Variants in PNLIPRP3 observed in about 807,000 individuals in gnomAD.
PNLIPRP3 encodes the protein pancreatic lipase-related protein 3.
Under a neutral mutation model 52.8 loss-of-function variants are expected in PNLIPRP3, and 58 were observed. The observed-to-expected ratio is 1.10, with a 90% CI of 0.89 to 1.37. The LOEUF (loss-of-function observed/expected upper bound fraction) is 1.37. Among genes scored for constraint, PNLIPRP3 ranks in the 40% most tolerant of loss-of-function variants. PNLIPRP3 has a pLI of 0.00. For synonymous variants in PNLIPRP3, 192 were observed against 185.0 expected (o/e 1.04, Z -0.31); for missense variants, 593 against 561.6 (o/e 1.06, Z -0.57).
chr10:116,461,049 A>G lies in PNLIPRP3; in HGVS notation c.649A>G (p.Ile217Val). 1 of 1,614,204 alleles carries G rather than the reference A, an allele frequency of 6.2e-7. No individual in the cohort carries two copies. The highest frequency in any genetic ancestry group is 8.5e-7 in the Non-Finnish European group (1 of 1,180,034). Residue 217 changes from isoleucine (I) to valine (V), a missense_variant, in exon 6 of 12, where the codon ATT (isoleucine) becomes GTT (valine). Ile to Val is a conservative substitution (Grantham distance 29). Coordinates refer to ENST00000369230, the MANE Select transcript of PNLIPRP3 (RefSeq NM_001011709.3). ...DPSDANFVDV[I>V]HTNAARILFE... is the part of the protein sequence containing the mutation. ...CTCGGATGCCAACTTTGTTGACGTT[A>G]TTCATACAAATGCAGCTCGCATCCT...
At chr10:116,436,986 T>C (rs1845783643) in intron 2 of PNLIPRP3, 121 bp downstream of exon 2, 5 of 1,051,582 alleles carry the variant, frequency 4.8e-6, no homozygotes, top group Non-Finnish European at 6.6e-6. Flanking sequence ...AATGCAAACA[T>C]TTCTTTTCAG....
In PNLIPRP3 at chr10:116,460,965, G is replaced by C. The variant is rs1381675474; in HGVS notation, c.566-1G>C. 2 of 1,611,654 alleles carry C rather than the reference G, an allele frequency of 1.2e-6. No individual in the cohort carries two copies. The highest frequency in any genetic ancestry group is 2.7e-5 in the African/African-American group (2 of 74,930). Reference sequence around the variant, plus strand: ...ACATGTCTTGGTTGTGCTTTCTCTAGGGTTGGACCCAGCTGGGCCATTTTT... The same window carrying C: ...ACATGTCTTGGTTGTGCTTTCTCTACGGTTGGACCCAGCTGGGCCATTTTT... On this transcript the variant is annotated splice_acceptor_variant, in intron 5 of 11. Coordinates refer to ENST00000369230, the MANE Select transcript of PNLIPRP3 (RefSeq NM_001011709.3). LOFTEE classifies it high-confidence loss of function.
At chr10:116,466,305 T>C (rs1846282206) in intron 8 of PNLIPRP3, 137 bp downstream of exon 8, 1 of 619,596 alleles carries the variant, frequency 1.6e-6, no homozygotes, top group Non-Finnish European at 2.8e-6. Context: ...ATTGTTTCTG[T>C]GCTGAGTACT....
chr10:116,466,445 T>C (rs1469734662), intron 8 of PNLIPRP3, among the ~76,000 whole-genome samples: 1 of 152,184 alleles, frequency 6.6e-6, no homozygotes, highest in East Asian at 1.9e-4. Flanking sequence ...TAATTAGATG[T>C]TACTGTGTAA....
At chr10:116,452,860 G>A (rs1055551327) in intron 4 of PNLIPRP3, among the ~76,000 whole-genome samples, 3 of 152,258 alleles carry the variant, frequency 2.0e-5, no homozygotes, top group East Asian at 3.9e-4. Flanking sequence ...AGCCCCCACA[G>A]AGAAACTCTA....
chr10:116,458,665 A>C (rs1200872160), intron 5 of PNLIPRP3, among the ~76,000 whole-genome samples: 1 of 152,196 alleles, frequency 6.6e-6, no homozygotes, highest in African/African-American at 2.4e-5. Context: ...ATTCATATGC[A>C]TGTTGCATTA....
intron 4 of PNLIPRP3, among the ~76,000 whole-genome samples, chr10:116,444,895 A>T (rs1029741082): frequency 6.6e-6 from 1 of 152,244 alleles, no homozygotes; most frequent in Non-Finnish European, 1.5e-5. Flanking sequence ...TCACACAAAA[A>T]CAGGGTTCTG....
chr10:116,440,454 G>C (rs1284209202), intron 2 of PNLIPRP3, among the ~76,000 whole-genome samples: 1 of 152,162 alleles, frequency 6.6e-6, no homozygotes, highest in Non-Finnish European at 1.5e-5. Context: ...TTTTGTAATG[G>C]ATGGAAGCCT....
At chr10:116,432,607 G>A (rs1448256543) in intron 1 of PNLIPRP3, among the ~76,000 whole-genome samples, 2 of 152,104 alleles carry the variant, frequency 1.3e-5, no homozygotes, top group South Asian at 2.1e-4. Flanking sequence ...TAAAACTAAT[G>A]ATGCCATGAT....
chr10:116,458,062 A>G (rs1846141044), intron 5 of PNLIPRP3, among the ~76,000 whole-genome samples: 1 of 152,172 alleles, frequency 6.6e-6, no homozygotes, highest in African/African-American at 2.4e-5. Flanking sequence ...AATATGATAA[A>G]CATATTAAGG....
chr10:116,471,248 T>A (rs951895058), intron 9 of PNLIPRP3, among the ~76,000 whole-genome samples: 2 of 152,196 alleles, frequency 1.3e-5, no homozygotes, highest in Non-Finnish European at 1.5e-5. Context: ...TATATTGATC[T>A]GTATCTACGT....
chr10:116,444,997 A>G (rs1475628464), intron 4 of PNLIPRP3, among the ~76,000 whole-genome samples: 1 of 152,226 alleles, frequency 6.6e-6, no homozygotes, highest in Non-Finnish European at 1.5e-5. Context: ...CTTGCTATTT[A>G]TTAGGCCTAT....
At chr10:116,477,036 T>G in intron 11 of PNLIPRP3, 54 bp from the exon 12 acceptor site, 1 of 1,450,646 alleles carries the variant, frequency 6.9e-7, no homozygotes, top group Non-Finnish European at 9.5e-7. Context: ...CCGTGTCTTT[T>G]TCTTCCCTGG....
intron 10 of PNLIPRP3, among the ~76,000 whole-genome samples, chr10:116,476,243 T>C (rs1846464100): frequency 1.3e-5 from 2 of 152,104 alleles, no homozygotes; most frequent in Non-Finnish European, 2.9e-5. Flanking sequence ...CGAAGGGAGG[T>C]ATTTCCACAC....
At chr10:116,433,114 CAAAAAAAAAAAAAAAA>C (rs71010080) in intron 1 of PNLIPRP3, among the ~76,000 whole-genome samples, 12 of 8,502 alleles carry the variant, frequency 1.4e-3, no homozygotes, top group Non-Finnish European at 9.3e-4. Flanking sequence ...AACTCCATCT[CAAAAAAAAAAAAAAAA>C]AAAAAAAAAA....
Position 116,436,802 on chromosome 10 carries a change from G to T in PNLIPRP3, c.141G>T (p.Trp47Cys). ...CAACAGAGTTGGTAGGTTTACCCTG[G>T]TCTCCAGAGAAGATAAACACTCGTT... ...TFSTELVGLP[W>C]SPEKINTRFL... is the part of the protein sequence containing the mutation. Residue 47 changes from tryptophan (W) to cysteine (C), a missense_variant, in exon 2 of 12, where the codon TGG becomes TGT. Physicochemically the swap from Trp to Cys is radical, Grantham distance 215. Transcript: ENST00000369230. The T allele has an allele frequency of 6.2e-7, 1 of 1,613,748 alleles. No homozygotes were observed. Among genetic ancestry groups the T allele is most frequent in the South Asian group, 1.1e-5 (1 of 91,026 alleles).
In PNLIPRP3 at chr10:116,476,650, A is replaced by G. The variant is rs747071034; in HGVS notation, c.1173-2A>G. 1.9e-6 allele frequency: 3 copies of G among 1,559,526 alleles called. No individual in the cohort carries two copies. Among genetic ancestry groups the G allele is most frequent in the South Asian group, 2.4e-5 (2 of 81,688 alleles). On this transcript the variant is annotated splice_acceptor_variant, in intron 10 of 11. Coordinates refer to ENST00000369230, the MANE Select transcript of PNLIPRP3 (RefSeq NM_001011709.3). LOFTEE classifies it high-confidence loss of function. ...ACTTACGAGTCTTATTTTTGTTTAC[A>G]GTGGAAAACTTGAGCCAGGCATGAC... is the stretch of plus-strand genomic sequence containing the variant.
rs1250648401 is a variant in PNLIPRP3 at position 116,477,194 on chromosome 10, T to C, written c.*41T>C. The C allele has an allele frequency of 6.7e-7, 1 of 1,497,270 alleles. No individual in the cohort carries two copies. The allele number at this position is 1,497,270 out of a possible 1,614,324, so 92.7% of individuals were successfully genotyped here. ...TGATGGATTTCTTTAGTAGGAGCAA[T>C]GAAGAAAAGTGTCTCCTTCCACCTG... On this transcript the variant is annotated 3_prime_UTR_variant, in exon 12 of 12. Coordinates refer to ENST00000369230, the MANE Select transcript of PNLIPRP3 (RefSeq NM_001011709.3).
At chr10:116,443,353 C>A (rs1845885527) in intron 3 of PNLIPRP3, among the ~76,000 whole-genome samples, 179 bp downstream of exon 3, 1 of 151,952 alleles carries the variant, frequency 6.6e-6, no homozygotes, top group South Asian at 2.1e-4. Flanking sequence ...TTATAAATTG[C>A]ACAGATTACA....
Sources: gnomAD v4.1 joint callset for allele counts (sites outside exome capture counted in the v4.1 genomes callset) on GRCh38, gnomAD v4.1.1 for gene constraint, MANE v1.5 for transcripts, NCBI Gene and HGNC (gene_info 2026-07-23, HGNC 2026-07-21) for gene names.